NKAIN3: variants seen among roughly 807,000 people sequenced by gnomAD.
NKAIN3 encodes the protein sodium/potassium-transporting ATPase subunit beta-1-interacting protein 3.
Under a neutral mutation model 30.2 loss-of-function variants are expected in NKAIN3, and 25 were observed. The ratio of observed to expected loss-of-function variants is 0.83; its 90% CI spans 0.60 to 1.16. The LOEUF (loss-of-function observed/expected upper bound fraction) is 1.16. NKAIN3 is among the 50% of genes most tolerant of loss of function. The probability of loss-of-function intolerance (pLI) is 0.00; values close to 1 mark genes in which losing one functional copy is unlikely to be tolerated. For missense variants in NKAIN3, 225 were observed against 254.1 expected (o/e 0.89, Z 0.78); for synonymous variants, 91 against 89.6 (o/e 1.02, Z -0.09).
chr8:62,580,885 G>T (rs1183261988), intron 2 of NKAIN3, among the ~76,000 whole-genome samples: 1 of 145,652 alleles, frequency 6.9e-6, no homozygotes, highest in Non-Finnish European at 1.5e-5. Context: ...GAGCTCAGGA[G>T]TTCAAGAGCA....
chr8:62,845,089 G>A (rs1480117), intron 4 of NKAIN3, among the ~76,000 whole-genome samples: 2,439 of 151,460 alleles, frequency 0.016, 76 homozygotes, highest in African/African-American at 0.056. Context: ...AACATATTTG[G>A]ACATCACTAG....
chr8:62,391,918 T>A lies in NKAIN3; in HGVS notation c.54+142791T>A, dbSNP rs114248057. Among the ~76,000 whole-genome samples the A allele has an allele frequency of 3.1e-3, 472 of 152,112 alleles. 3 individuals carry two copies. Among genetic ancestry groups the A allele is most frequent in the African/African-American group, 0.011 (454 of 41,552 alleles). On this transcript the variant is annotated intron_variant, in intron 1 of 6. Transcript: ENST00000623646. The stretch of plus-strand genomic sequence containing the variant: ...CTTGTTATGTTTCATGAAATAATAT[T>A]GGTACCTGGCTCATTCTGTCTCAAC...
chr8:62,857,130 C>T, intron 4 of NKAIN3: 2 of 371,662 alleles, frequency 5.4e-6, no homozygotes, highest in South Asian at 4.6e-5. Flanking sequence ...CAACTTGGAC[C>T]AGAAATTCTT....
intron 4 of NKAIN3, among the ~76,000 whole-genome samples, chr8:62,812,340 G>T (rs1435788814): frequency 2.0e-5 from 3 of 151,724 alleles, no homozygotes; most frequent in Middle Eastern, 3.4e-3. Flanking sequence ...ATATATTTTA[G>T]AAGAAGCTTA....
At chr8:62,543,446 G>T (rs549366696) in intron 1 of NKAIN3, among the ~76,000 whole-genome samples, 2 of 152,288 alleles carry the variant, frequency 1.3e-5, no homozygotes, top group East Asian at 3.9e-4. Context: ...TAGTGGGTCA[G>T]AGGCAGAACA....
intron 3 of NKAIN3, among the ~76,000 whole-genome samples, chr8:62,665,945 A>G (rs1010742984): frequency 2.0e-5 from 3 of 152,156 alleles, no homozygotes; most frequent in Non-Finnish European, 2.9e-5. Flanking sequence ...GCTGGGCACA[A>G]TGGTTCACGC....
intron 1 of NKAIN3, among the ~76,000 whole-genome samples, chr8:62,372,083 T>C (rs1162623103): frequency 1.3e-5 from 2 of 151,958 alleles, no homozygotes; most frequent in Non-Finnish European, 2.9e-5. Flanking sequence ...ATGGTTTTAA[T>C]ACTGATTAGA....
chr8:62,384,559 C>T (rs1817367399), intron 1 of NKAIN3, among the ~76,000 whole-genome samples: 1 of 151,972 alleles, frequency 6.6e-6, no homozygotes, highest in South Asian at 2.1e-4. Context: ...TATTGCAAAT[C>T]TCAAAAATAA....
intron 4 of NKAIN3, among the ~76,000 whole-genome samples, chr8:62,759,160 T>C (rs1428605999): frequency 3.9e-5 from 6 of 152,232 alleles, no homozygotes; most frequent in Admixed American, 3.9e-4. Flanking sequence ...TTTAGTTTTT[T>C]ATATAAATGG....
chr8:62,846,791 G>T (rs2086370), intron 4 of NKAIN3, among the ~76,000 whole-genome samples: 110,150 of 151,972 alleles, frequency 0.72, 40,557 homozygotes, highest in Non-Finnish European at 0.8. Flanking sequence ...CTGGGTAATT[G>T]ATAAAGGAAA....
intron 3 of NKAIN3, among the ~76,000 whole-genome samples, chr8:62,660,835 G>T (rs1812922512): frequency 6.6e-6 from 1 of 152,178 alleles, no homozygotes; most frequent in South Asian, 2.1e-4. Flanking sequence ...ATGTCTGGGA[G>T]ACAGAATGTG....
In NKAIN3 at chr8:62,305,254, A is replaced by G. The variant is rs16928681; in HGVS notation, c.54+56127A>G. Among the ~76,000 whole-genome samples, 879 of 150,448 alleles carry G rather than the reference A, an allele frequency of 5.8e-3. 86 individuals are homozygous for G. The highest frequency in any genetic ancestry group is 0.021 in the African/African-American group (820 of 39,896). On this transcript the variant is annotated intron_variant, in intron 1 of 6. Transcript: ENST00000623646. ...CTTTAGTTGTTGATAGCTATTTTGA[A>G]CACAGATATTTCTATGAAATACGAC...
intron 1 of NKAIN3, among the ~76,000 whole-genome samples, chr8:62,304,622 C>T (rs1814164527): frequency 6.7e-6 from 1 of 150,302 alleles, no homozygotes; most frequent in Non-Finnish European, 1.5e-5. Flanking sequence ...GGAATTGAAA[C>T]CCAGCAGGTA....
intron 3 of NKAIN3, among the ~76,000 whole-genome samples, chr8:62,671,244 C>T (rs1813293190): frequency 6.6e-6 from 1 of 151,948 alleles, no homozygotes; most frequent in Non-Finnish European, 1.5e-5. Flanking sequence ...TTTTGAGAGC[C>T]TACATGACAA....
At chr8:62,342,918 A>G (rs1815800176) in intron 1 of NKAIN3, among the ~76,000 whole-genome samples, 1 of 152,090 alleles carries the variant, frequency 6.6e-6, no homozygotes, top group Non-Finnish European at 1.5e-5. Context: ...CAATGTGCCA[A>G]CAATAGACAT....
At chr8:62,291,686 T>G (rs2129587159) in intron 1 of NKAIN3, among the ~76,000 whole-genome samples, 1 of 152,270 alleles carries the variant, frequency 6.6e-6, no homozygotes, top group East Asian at 1.9e-4. Context: ...ATAAGTGCAG[T>G]GTGGTGCTGA....
chr8:62,883,208 C>A (rs1821040550), intron 4 of NKAIN3, among the ~76,000 whole-genome samples: 1 of 151,946 alleles, frequency 6.6e-6, no homozygotes, highest in Non-Finnish European at 1.5e-5. Flanking sequence ...GGTGTGTCTT[C>A]TATTATTTAG....
At chr8:62,488,538 T>A (rs1806972301) in intron 1 of NKAIN3, among the ~76,000 whole-genome samples, 1 of 152,130 alleles carries the variant, frequency 6.6e-6, no homozygotes, top group Admixed American at 6.5e-5. Context: ...ATCCTCTCAA[T>A]AAATATTTAT....
At chr8:62,634,296 G>A (rs986632881) in intron 3 of NKAIN3, among the ~76,000 whole-genome samples, 2 of 151,800 alleles carry the variant, frequency 1.3e-5, no homozygotes, top group Non-Finnish European at 2.9e-5. Context: ...GTGCCTAAGC[G>A]ACCACCTGCT....
Sources: gnomAD v4.1 joint callset for allele counts (sites outside exome capture counted in the v4.1 genomes callset) on GRCh38, gnomAD v4.1.1 for gene constraint, MANE v1.5 for transcripts, NCBI Gene and HGNC (gene_info 2026-07-23, HGNC 2026-07-21) for gene names.